The following PSMD14 variants were observed in gnomAD, a reference collection of about 807,000 sequenced individuals.
The protein encoded by PSMD14 is proteasome 26S subunit, non-ATPase 14.
PSMD14 carries 7 observed loss-of-function variants against 41.2 expected under a neutral mutation model. The ratio of observed to expected loss-of-function variants is 0.17; its 90% CI spans 0.10 to 0.32. The LOEUF is 0.32. Among genes scored for constraint, PSMD14 ranks in the 10% least tolerant of loss-of-function variants. The probability of loss-of-function intolerance (pLI) is 1.00; values close to 1 mark genes in which losing one functional copy is unlikely to be tolerated. For missense variants in PSMD14, 139 were observed against 375.6 expected (o/e 0.37, Z 5.21); for synonymous variants, 114 against 122.3 (o/e 0.93, Z 0.45).
intron 1 of PSMD14, among the ~76,000 whole-genome samples, chr2:161,312,884 C>T (rs554623393): frequency 6.6e-6 from 1 of 152,270 alleles, no homozygotes; most frequent in South Asian, 2.1e-4. Context: ...GTGAAATATG[C>T]CCAGCATTTT....
chr2:161,334,549 T>A (rs570075091), intron 3 of PSMD14, among the ~76,000 whole-genome samples: 2 of 152,370 alleles, frequency 1.3e-5, no homozygotes, highest in African/African-American at 2.4e-5. Context: ...AGACATTTTT[T>A]AAAAAGTGCC....
chr2:161,370,284 G>A (rs1683414613), intron 6 of PSMD14, 107 bp downstream of exon 6: 2 of 841,810 alleles, frequency 2.4e-6, no homozygotes, highest in South Asian at 1.9e-5. Context: ...AAGTGGTTAT[G>A]TAATTGACAT....
At chr2:161,342,289 T>A (rs1183022363) in intron 3 of PSMD14, among the ~76,000 whole-genome samples, 4 of 152,214 alleles carry the variant, frequency 2.6e-5, no homozygotes, top group Non-Finnish European at 5.9e-5. Context: ...TAGATACTCT[T>A]TATCAGGTTG....
intron 3 of PSMD14, among the ~76,000 whole-genome samples, chr2:161,330,851 T>G (rs1682776860): frequency 6.6e-6 from 1 of 152,222 alleles, no homozygotes; most frequent in Admixed American, 6.5e-5. Context: ...AGTTGTACTT[T>G]TCTCTTACTC....
intron 10 of PSMD14, among the ~76,000 whole-genome samples, chr2:161,401,041 C>T (rs1053391802): frequency 6.6e-6 from 1 of 152,150 alleles, no homozygotes; most frequent in African/African-American, 2.4e-5. Flanking sequence ...TTGATATGTA[C>T]TATAGATAGA....
At chr2:161,400,546 AATT>A (rs1683861784) in intron 10 of PSMD14, among the ~76,000 whole-genome samples, 1 of 152,120 alleles carries the variant, frequency 6.6e-6, no homozygotes, top group Non-Finnish European at 1.5e-5. Context: ...CATAGCCCAG[AATT>A]ATTATTTTTA....
At chr2:161,327,981 T>TGTGTGTGTGTGTGTGTGTGTGTGA (rs1268803464) in intron 3 of PSMD14, among the ~76,000 whole-genome samples, 127 of 149,004 alleles carry the variant, frequency 8.5e-4, no homozygotes, top group African/African-American at 3.1e-3. Flanking sequence ...TGTGTGTGTG[T>TGTGTGTGTGTGTGTGTGTGTGTGA]GTGAGATGTT....
chr2:161,377,142 G>C (rs186625401), intron 7 of PSMD14, among the ~76,000 whole-genome samples: 4 of 152,012 alleles, frequency 2.6e-5, no homozygotes, highest in South Asian at 2.1e-4. Flanking sequence ...ATTTAGCATA[G>C]CTGCTATATT....
chr2:161,353,430 G>A (rs901981609), intron 3 of PSMD14, among the ~76,000 whole-genome samples: 2 of 152,174 alleles, frequency 1.3e-5, no homozygotes, highest in South Asian at 2.1e-4. Context: ...ATTCACTCAT[G>A]TTTGACTAAT....
chr2:161,341,544 T>A (rs2105242190), intron 3 of PSMD14, among the ~76,000 whole-genome samples: 1 of 151,848 alleles, frequency 6.6e-6, no homozygotes, highest in Non-Finnish European at 1.5e-5. Context: ...GATAGTTTAA[T>A]TTATAAAAAT....
intron 3 of PSMD14, among the ~76,000 whole-genome samples, chr2:161,356,561 A>C (rs1683201139): frequency 6.6e-6 from 1 of 151,988 alleles, no homozygotes; most frequent in Non-Finnish European, 1.5e-5. Flanking sequence ...TTTTCCATCA[A>C]CTCAATAAAT....
chr2:161,396,451 T>G (rs879026872), intron 10 of PSMD14, among the ~76,000 whole-genome samples: 1 of 152,034 alleles, frequency 6.6e-6, no homozygotes, highest in Non-Finnish European at 1.5e-5. Context: ...ATTCAGCCAT[T>G]AAAAAAAGGA....
chr2:161,371,879 T>G lies in PSMD14; in HGVS notation c.462+557T>G, dbSNP rs1324013706. ...AAATAATTCTGAAAACAGATTAACT[T>G]GCAAAGCATATTGGGTTATAGTTCT... On this transcript the variant is annotated intron_variant, in intron 7 of 11. Transcript: ENST00000409682. Among the ~76,000 whole-genome samples, 7 of 152,134 alleles carry G rather than the reference T, an allele frequency of 4.6e-5. 1 individual carries two copies. The highest frequency in any genetic ancestry group is 1.7e-4 in the African/African-American group (7 of 41,456).
At chr2:161,373,554 T>C (rs1683466740) in intron 7 of PSMD14, among the ~76,000 whole-genome samples, 1 of 151,884 alleles carries the variant, frequency 6.6e-6, no homozygotes, top group Non-Finnish European at 1.5e-5. Context: ...TACTTAGGAA[T>C]ATAAACTTAT....
chr2:161,402,398 G>A (rs1458325841), intron 10 of PSMD14, among the ~76,000 whole-genome samples: 1 of 152,132 alleles, frequency 6.6e-6, no homozygotes, highest in African/African-American at 2.4e-5. Context: ...AGCACTTTGG[G>A]AGGCCACAGC....
intron 3 of PSMD14, among the ~76,000 whole-genome samples, chr2:161,337,152 T>G (rs1682883018): frequency 6.6e-6 from 1 of 152,194 alleles, no homozygotes; most frequent in Non-Finnish European, 1.5e-5. Context: ...ACGTGCTTTG[T>G]TTTGTTTGTT....
chr2:161,321,827 C>T (rs1030275256), intron 3 of PSMD14, among the ~76,000 whole-genome samples: 11 of 152,198 alleles, frequency 7.2e-5, no homozygotes, highest in African/African-American at 2.7e-4. Flanking sequence ...TGTGCCCTCT[C>T]TTCATGGAAT....
chr2:161,348,081 G>A (rs910326029), intron 3 of PSMD14, among the ~76,000 whole-genome samples: 2 of 152,198 alleles, frequency 1.3e-5, no homozygotes, highest in African/African-American at 4.8e-5. Flanking sequence ...GTATATGCTA[G>A]TGAGAGTATA....
chr2:161,405,086 A>G (rs1683931273), intron 10 of PSMD14, among the ~76,000 whole-genome samples: 1 of 152,078 alleles, frequency 6.6e-6, no homozygotes, highest in Non-Finnish European at 1.5e-5. Flanking sequence ...CTACTTTTTC[A>G]TGACAGTTCC....
Sources: allele counts gnomAD v4.1 joint callset (sites outside exome capture counted in the v4.1 genomes callset), GRCh38; gene constraint gnomAD v4.1.1; transcripts MANE v1.5; gene names NCBI Gene and HGNC (gene_info 2026-07-23, HGNC 2026-07-21).